GABRB1: variants seen among roughly 807,000 people sequenced by gnomAD.
GABRB1 encodes the protein gamma-aminobutyric acid receptor subunit beta-1.
In GABRB1, 17 loss-of-function variants were observed where a neutral mutation model predicts 51.6. The observed-to-expected ratio is 0.33, with a 90% CI of 0.23 to 0.49. GABRB1 has a LOEUF of 0.49. Among genes scored for constraint, GABRB1 ranks in the 20% least tolerant of loss-of-function variants. The pLI is 0.99. For synonymous variants in GABRB1, 247 were observed against 218.9 expected (o/e 1.13, Z -1.14); for missense variants, 410 against 600.6 (o/e 0.68, Z 3.32).
intron 4 of GABRB1, among the ~76,000 whole-genome samples, chr4:47,252,048 G>A (rs1227662346): frequency 1.3e-5 from 2 of 152,016 alleles, no homozygotes; most frequent in Admixed American, 1.3e-4. Flanking sequence ...TTCAGCTGGA[G>A]ATATCCTTCT....
chr4:47,261,688 A>G (rs944000707), intron 4 of GABRB1, among the ~76,000 whole-genome samples: 4 of 151,916 alleles, frequency 2.6e-5, no homozygotes, highest in Admixed American at 6.6e-5. Flanking sequence ...ATTGGAAAAA[A>G]CTACTTTAAA....
At position 47,373,890 on chromosome 4, in the gene GABRB1, A is replaced by T. The variant is rs147109602; in HGVS notation, c.545-29428A>T. On this transcript the variant is annotated intron_variant, in intron 5 of 8. Coordinates refer to ENST00000295454, the MANE Select transcript of GABRB1 (RefSeq NM_000812.4). ...GAGCTGTGAGGTAAGGTGTCAAGGA[A>T]GGTCTCTGTTTTTATTGCCTCTGAG... Among the ~76,000 whole-genome samples, 79 of 152,322 alleles carry T rather than the reference A, an allele frequency of 5.2e-4. 2 individuals carry two copies. Among genetic ancestry groups the T allele is most frequent in the African/African-American group, 1.6e-3 (66 of 41,562 alleles).
intron 5 of GABRB1, among the ~76,000 whole-genome samples, chr4:47,371,995 A>G (rs1190840403): frequency 1.3e-5 from 2 of 152,032 alleles, no homozygotes; most frequent in Non-Finnish European, 2.9e-5. Context: ...TGGTGTTTTT[A>G]TTGTGAAATC....
At chr4:47,271,532 C>A (rs1400434463) in intron 4 of GABRB1, among the ~76,000 whole-genome samples, 1 of 152,196 alleles carries the variant, frequency 6.6e-6, no homozygotes, top group Non-Finnish European at 1.5e-5. Flanking sequence ...CTGGCTTAAT[C>A]AGTCCTGGCC....
At chr4:47,305,758 C>T (rs774267908) in intron 4 of GABRB1, among the ~76,000 whole-genome samples, 13 of 152,070 alleles carry the variant, frequency 8.5e-5, no homozygotes, top group Non-Finnish European at 1.5e-4. Flanking sequence ...GTATTAAATA[C>T]CAATTAGGTA....
intron 5 of GABRB1, among the ~76,000 whole-genome samples, chr4:47,333,192 A>G (rs1244402451): frequency 3.3e-4 from 1 of 3,030 alleles, no homozygotes; most frequent in Non-Finnish European, 1.7e-3. Flanking sequence ...AACCCATTTT[A>G]TTTATATATA....
intron 5 of GABRB1, among the ~76,000 whole-genome samples, chr4:47,399,918 A>T (rs1184543657): frequency 1.3e-5 from 2 of 152,214 alleles, no homozygotes; most frequent in East Asian, 3.9e-4. Context: ...TGATACTGGC[A>T]TGACCTGGTA....
At chr4:47,155,916 C>CATATATATAATATATAT (rs1717673026) in intron 3 of GABRB1, among the ~76,000 whole-genome samples, 2 of 73,602 alleles carry the variant, frequency 2.7e-5, no homozygotes, top group African/African-American at 3.8e-5. Flanking sequence ...GAGGTATTTT[C>CATATATATAATATATAT]ATATATATAT....
intron 3 of GABRB1, among the ~76,000 whole-genome samples, chr4:47,064,820 A>G (rs961024955): frequency 2.0e-5 from 3 of 152,174 alleles, no homozygotes; most frequent in Non-Finnish European, 2.9e-5. Flanking sequence ...AACAGTTTTT[A>G]GTGTGTAGAG....
At chr4:47,018,549 T>A (rs1724815445) in intron 1 of GABRB1, among the ~76,000 whole-genome samples, 1 of 152,142 alleles carries the variant, frequency 6.6e-6, no homozygotes, top group Non-Finnish European at 1.5e-5. Context: ...TGAAAATCCA[T>A]GTGTAATTTT....
At chr4:47,408,376 TG>T in intron 8 of GABRB1, among the ~76,000 whole-genome samples, 1 of 152,334 alleles carries the variant, frequency 6.6e-6, no homozygotes, top group African/African-American at 2.4e-5. Context: ...GTGTGAAATG[TG>T]GCTGGATACT....
chr4:47,055,192 G>C lies in GABRB1; in HGVS notation c.240+22708G>C, dbSNP rs112156972. ...CTACTTCTTATGTCTCTTTAACAAA[G>C]TAATTTAATTGTTTGTCGAAAGAAA... On this transcript the variant is annotated intron_variant, in intron 3 of 8. Coordinates refer to ENST00000295454, the MANE Select transcript of GABRB1 (RefSeq NM_000812.4). Among the ~76,000 whole-genome samples the C allele has an allele frequency of 3.4e-3, 515 of 152,274 alleles. 8 individuals carry two copies. The highest frequency in any genetic ancestry group is 0.011 in the African/African-American group (441 of 41,550).
chr4:47,219,236 A>G (rs929535161), intron 4 of GABRB1, among the ~76,000 whole-genome samples: 3 of 151,894 alleles, frequency 2.0e-5, no homozygotes, highest in Non-Finnish European at 4.4e-5. Flanking sequence ...CTGATGATAT[A>G]TTAAAGTTCA....
chr4:47,182,898 A>G (rs986524200), intron 4 of GABRB1, among the ~76,000 whole-genome samples: 3 of 151,958 alleles, frequency 2.0e-5, no homozygotes, highest in Non-Finnish European at 4.4e-5. Context: ...CATAAATTCC[A>G]AAGAAACTAG....
chr4:47,217,041 G>A (rs1720581006), intron 4 of GABRB1, among the ~76,000 whole-genome samples: 1 of 151,814 alleles, frequency 6.6e-6, no homozygotes. Context: ...AGATCTATGT[G>A]CATCAACATG....
chr4:47,022,501 C>A (rs1278066008), intron 1 of GABRB1, among the ~76,000 whole-genome samples: 1 of 151,928 alleles, frequency 6.6e-6, no homozygotes, highest in African/African-American at 2.4e-5. Context: ...AGATGTTTTT[C>A]TTTATCCATG....
chr4:47,213,847 T>C (rs1026938900), intron 4 of GABRB1, among the ~76,000 whole-genome samples: 4 of 150,872 alleles, frequency 2.7e-5, no homozygotes, highest in Non-Finnish European at 5.9e-5. Flanking sequence ...TTTTTTTTTT[T>C]CTGTTCAGGA....
At chr4:47,101,885 G>T (rs568055366) in intron 3 of GABRB1, among the ~76,000 whole-genome samples, 1 of 152,046 alleles carries the variant, frequency 6.6e-6, no homozygotes, top group Admixed American at 6.6e-5. Context: ...TGAAAGGGCA[G>T]ATGGGTGCCC....
intron 5 of GABRB1, among the ~76,000 whole-genome samples, chr4:47,362,602 T>C (rs974851606): frequency 2.6e-5 from 4 of 152,248 alleles, no homozygotes; most frequent in African/African-American, 7.2e-5. Flanking sequence ...AACCTGGTTA[T>C]GATTGTGGCA....
Sources: allele counts gnomAD v4.1 joint callset (sites outside exome capture counted in the v4.1 genomes callset), GRCh38; gene constraint gnomAD v4.1.1; transcripts MANE v1.5; gene names NCBI Gene and HGNC (gene_info 2026-07-23, HGNC 2026-07-21).